Variants in ZNF564 observed in about 807,000 individuals in gnomAD.
ZNF564 encodes zinc finger protein 564.
A neutral mutation model predicts 10.5 loss-of-function variants in ZNF564; 5 were observed. The ratio of observed to expected loss-of-function variants is 0.48; its 90% CI spans 0.25 to 1.00. ZNF564 has a LOEUF of 1.00. Ranked by LOEUF, ZNF564 falls within the 50% of genes least tolerant of loss-of-function variation. The pLI, the probability that ZNF564 is intolerant of heterozygous loss-of-function variation, is 0.16. For synonymous variants in ZNF564, 242 were observed against 218.1 expected, an observed-to-expected ratio of 1.11 and a Z score of -0.97; for missense variants, 603 against 669.7, an observed-to-expected ratio of 0.90 and a Z score of 1.10.
chr19:12,548,361 C>T (rs2022191938), intron 1 of ZNF564, among the ~76,000 whole-genome samples: 1 of 151,866 alleles, frequency 6.6e-6, no homozygotes, highest in African/African-American at 2.4e-5. Flanking sequence ...GGACTACAGG[C>T]ACACACCGCC....
rs1436489633 is a variant in ZNF564, at chr19:12,527,919, G to A, written c.192-3C>T. 1.3e-6 allele frequency: 2 copies of A among 1,566,564 alleles called. No individual in the cohort carries two copies. The highest frequency in any genetic ancestry group is 4.0e-5 in the Admixed American group (2 of 50,114). On this transcript the variant is annotated splice_polypyrimidine_tract_variant and splice_region_variant and intron_variant, in intron 3 of 3. Transcript: ENST00000339282. ...TGAGTCCCTCTTCCATATGATTTCT[G>A]GAAAAAATAGAAAGCAAGATTTAGT... is the stretch of plus-strand genomic sequence containing the variant.
At chr19:12,540,517 C>T (rs1443884676) in intron 1 of ZNF564, among the ~76,000 whole-genome samples, 2 of 151,848 alleles carry the variant, frequency 1.3e-5, no homozygotes, top group African/African-American at 4.8e-5. Flanking sequence ...GTCAGGAGTT[C>T]GAGACCAGTC....
At position 12,527,863 on chromosome 19, in the gene ZNF564, T is replaced by A; in HGVS notation, c.245A>T (p.Glu82Val). 1 of 1,613,796 alleles carries A rather than the reference T, an allele frequency of 6.2e-7. No homozygotes were observed. The highest frequency in any genetic ancestry group is 8.5e-7 in the Non-Finnish European group (1 of 1,179,820). ...AAGATTGAGAATCTGACTGAAGGCT[T>A]CTCCACATTGATCATATTCTTTACT... ...SESKEYDQCG[E>V]AFSQILNLNL... The change falls in exon 4 of 4, where the codon GAA becomes GTA. Residue 82 changes from glutamate to valine, a missense_variant. Transcript: ENST00000339282.
intron 1 of ZNF564, 145 bp downstream of exon 1, chr19:12,551,185 G>T: frequency 1.1e-6 from 1 of 932,816 alleles, no homozygotes; most frequent in Non-Finnish European, 1.7e-6. Flanking sequence ...GCGGCCGAGG[G>T]GACAGAGGGC....
chr19:12,547,330 T>C (rs1404384810), intron 1 of ZNF564, among the ~76,000 whole-genome samples: 1 of 152,130 alleles, frequency 6.6e-6, no homozygotes, highest in Non-Finnish European at 1.5e-5. Flanking sequence ...GCTGGGATTA[T>C]AGATGTAAGC....
intron 1 of ZNF564, 40 bp downstream of exon 1, chr19:12,551,290 C>A (rs750688819): frequency 6.3e-7 from 1 of 1,598,030 alleles, no homozygotes. Flanking sequence ...TCCCACAAGC[C>A]CCTCCCCCAG....
In ZNF564 at chr19:12,550,292, C is replaced by CAA. The variant is rs148242369; in HGVS notation, c.3+1036_3+1037dup. 6 of 116,334 alleles carry CAA rather than the reference C, an allele frequency of 5.2e-5. No individual in the cohort carries two copies. In the South Asian group the frequency reaches 7.5e-4, roughly 14 times the overall value. The allele number at this position is 116,334 out of a possible 1,614,324, so 7.2% of individuals were successfully genotyped here. On this transcript the variant is annotated intron_variant, in intron 1 of 3. Transcript: ENST00000339282. ...GGGCAATAAGAGCGAAACTCTGTCTCAAAAAAAAAAAAAAATTTTACCGTA... is the reference window on the plus strand; with the variant it reads ...GGGCAATAAGAGCGAAACTCTGTCTCAAAAAAAAAAAAAAAAATTTTACCGTA...
chr19:12,541,050 C>A (rs1187329940), intron 1 of ZNF564, among the ~76,000 whole-genome samples: 2 of 37,600 alleles, frequency 5.3e-5, no homozygotes, highest in Admixed American at 3.7e-4. Flanking sequence ...AGGAATGTGG[C>A]AAAACCCTGT....
intron 1 of ZNF564, among the ~76,000 whole-genome samples, chr19:12,548,471 TC>T (rs1487545358): frequency 1.3e-5 from 2 of 152,110 alleles, no homozygotes; most frequent in Non-Finnish European, 2.9e-5. Flanking sequence ...CACCTTGGCC[TC>T]CCAAAGTGCT....
chr19:12,530,702 G>C (rs914074568), intron 1 of ZNF564, among the ~76,000 whole-genome samples: 8 of 152,168 alleles, frequency 5.3e-5, no homozygotes, highest in Admixed American at 2.6e-4. Flanking sequence ...AATGATTCCT[G>C]ACCAGTCACT....
chr19:12,546,801 TTG>T (rs1230313318), intron 1 of ZNF564, among the ~76,000 whole-genome samples: 7 of 152,172 alleles, frequency 4.6e-5, no homozygotes, highest in Non-Finnish European at 7.3e-5. Flanking sequence ...CTGGACAGTT[TTG>T]TCTTCACTGA....
intron 1 of ZNF564, among the ~76,000 whole-genome samples, chr19:12,542,014 C>CAAAAA (rs74180077): frequency 3.2e-4 from 18 of 56,220 alleles, no homozygotes; most frequent in Non-Finnish European, 3.9e-4. Flanking sequence ...AGACTCTGTC[C>CAAAAA]AAAAAAAAAA....
At chr19:12,535,785 A>C (rs552863349) in intron 1 of ZNF564, among the ~76,000 whole-genome samples, 6 of 152,208 alleles carry the variant, frequency 3.9e-5, no homozygotes, top group South Asian at 2.1e-4. Flanking sequence ...GGAGGCTCAG[A>C]CAGGCAGATC....
chr19:12,533,208 A>G (rs2021841604), intron 1 of ZNF564, among the ~76,000 whole-genome samples: 2 of 152,250 alleles, frequency 1.3e-5, no homozygotes. Context: ...TAACAGAGAT[A>G]GTTACCAACT....
intron 1 of ZNF564, among the ~76,000 whole-genome samples, chr19:12,538,305 C>T (rs1275360307): frequency 2.0e-5 from 3 of 151,430 alleles, no homozygotes; most frequent in Non-Finnish European, 4.4e-5. Context: ...GCCTGGACAA[C>T]ATAGTGAAAT....
At chr19:12,547,879 T>C (rs1332472206) in intron 1 of ZNF564, among the ~76,000 whole-genome samples, 3 of 150,928 alleles carry the variant, frequency 2.0e-5, no homozygotes, top group African/African-American at 4.9e-5. Context: ...TGGCACGATC[T>C]CGGCTCACCG....
In ZNF564 at chr19:12,526,496, C is replaced by T. The variant is rs370082812; in HGVS notation, c.1612G>A (p.Gly538Arg). 1.2e-6 allele frequency: 2 copies of T among 1,608,088 alleles called. No homozygotes were observed. The highest frequency in any genetic ancestry group is 3.4e-5 in the Admixed American group (2 of 58,374). The change falls in exon 4 of 4, where the codon GGA (glycine) becomes AGA (arginine). Residue 538 changes from glycine to arginine, a missense_variant. Physicochemically the swap from Gly to Arg is moderately radical, Grantham distance 125. Coordinates refer to ENST00000339282, the MANE Select transcript of ZNF564 (RefSeq NM_144976.4). The stretch of plus-strand genomic sequence containing the variant: ...GGTTGTGTGATAAATGAAAGCTTTC[C>T]CACATTCTTTACGTAAGGTTTATCT... ...NGDKPYVKNV[G>R]KLSFITQPSN...
intron 1 of ZNF564, among the ~76,000 whole-genome samples, chr19:12,546,555 G>A (rs1194646923): frequency 1.3e-5 from 2 of 151,858 alleles, no homozygotes; most frequent in Non-Finnish European, 2.9e-5. Flanking sequence ...GTGAAACCCC[G>A]TCTCTACTAA....
At chr19:12,542,725 C>A (rs769838996) in intron 1 of ZNF564, among the ~76,000 whole-genome samples, 2 of 151,942 alleles carry the variant, frequency 1.3e-5, no homozygotes, top group African/African-American at 4.8e-5. Flanking sequence ...AAAAAAGGGC[C>A]GGGCACCATA....
Sources: allele counts gnomAD v4.1 joint callset (sites outside exome capture counted in the v4.1 genomes callset), GRCh38; gene constraint gnomAD v4.1.1; transcripts MANE v1.5; gene names NCBI Gene and HGNC (gene_info 2026-07-23, HGNC 2026-07-21).